Variants in HHAT observed in about 807,000 individuals in gnomAD.
The protein encoded by HHAT is hedgehog acyltransferase.
Under a neutral mutation model 70.8 loss-of-function variants are expected in HHAT, and 47 were observed. The ratio of observed to expected loss-of-function variants is 0.66; its 90% confidence interval spans 0.53 to 0.85. The LOEUF (loss-of-function observed/expected upper bound fraction) is 0.85, where lower values mean the gene tolerates loss of function less well. HHAT is among the 40% of genes least tolerant of loss of function. The pLI is 0.00. For synonymous variants in HHAT, 228 were observed against 247.6 expected (o/e 0.92, Z 0.74); for missense variants, 609 against 604.8 (o/e 1.01, Z -0.07).
intron 10 of HHAT, among the ~76,000 whole-genome samples, chr1:210,619,235 C>A (rs1248534807): frequency 6.6e-6 from 1 of 152,104 alleles, no homozygotes; most frequent in Non-Finnish European, 1.5e-5. Context: ...GACAACTGGT[C>A]ACCCCTGCCT....
At chr1:210,456,805 A>T (rs1001694448) in intron 7 of HHAT, among the ~76,000 whole-genome samples, 1 of 152,202 alleles carries the variant, frequency 6.6e-6, no homozygotes, top group African/African-American at 2.4e-5. Context: ...CCAGAATTCA[A>T]TGCTAGAGAT....
chr1:210,588,077 C>T lies in HHAT; in HGVS notation c.1223C>T (p.Thr408Ile), dbSNP rs760410532. 6.2e-7 allele frequency: 1 copy of T among 1,609,100 alleles called. No homozygotes were observed. Among genetic ancestry groups the T allele is most frequent in the Non-Finnish European group, 8.5e-7 (1 of 1,178,304 alleles). The change falls in exon 10 of 12, where the codon ACT (threonine) becomes ATT (isoleucine). Residue 408 changes from threonine to isoleucine, a missense_variant. Physicochemically the swap from Thr to Ile is moderately conservative, Grantham distance 89 (BLOSUM62 -1). Coordinates refer to ENST00000261458, the MANE Select transcript of HHAT (RefSeq NM_018194.6). ...VENGVRRLVETPCIQDSLARY... is the reference protein window; with the variant it reads ...VENGVRRLVEIPCIQDSLARY... ...AATGGAGTCCGGAGGCTGGTGGAGA[C>T]TCCCTGCATCCAGGACAGTCTGGTG...
chr1:210,382,477 C>T (rs962490098), intron 3 of HHAT, among the ~76,000 whole-genome samples: 21 of 152,156 alleles, frequency 1.4e-4, no homozygotes, highest in African/African-American at 4.8e-4. Flanking sequence ...TCCTGCTCCT[C>T]GCCATTTTAA....
At chr1:210,588,356 A>C (rs756576715) in intron 10 of HHAT, 1 of 389,982 alleles carries the variant, frequency 2.6e-6, no homozygotes, top group Non-Finnish European at 4.6e-6. Flanking sequence ...TTTAAACAAG[A>C]AAATAACCTC....
chr1:210,355,688 C>T (rs894084864), intron 2 of HHAT, among the ~76,000 whole-genome samples: 3 of 152,122 alleles, frequency 2.0e-5, no homozygotes, highest in Non-Finnish European at 4.4e-5. Flanking sequence ...TCTTGATATC[C>T]TGTTAGCTTT....
chr1:210,639,068 G>A (rs915369381), intron 11 of HHAT, among the ~76,000 whole-genome samples: 4 of 152,116 alleles, frequency 2.6e-5, no homozygotes, highest in Non-Finnish European at 4.4e-5. Flanking sequence ...AAGGTTAAAA[G>A]ATAATTGATC....
chr1:210,591,487 G>A (rs1175484195), intron 10 of HHAT, among the ~76,000 whole-genome samples: 2 of 152,054 alleles, frequency 1.3e-5, no homozygotes, highest in African/African-American at 4.8e-5. Context: ...TGGCTATTGT[G>A]AATAGTACTA....
At chr1:210,650,408 A>G (rs1674899133) in intron 11 of HHAT, among the ~76,000 whole-genome samples, 1 of 151,938 alleles carries the variant, frequency 6.6e-6, no homozygotes, top group Non-Finnish European at 1.5e-5. Context: ...AGGACATCTT[A>G]CTCCTTTCTT....
At chr1:210,535,964 A>G (rs1470969537) in intron 9 of HHAT, among the ~76,000 whole-genome samples, 2 of 152,202 alleles carry the variant, frequency 1.3e-5, no homozygotes, top group African/African-American at 4.8e-5. Context: ...TTCAACTAGC[A>G]GCCAGCTCCA....
chr1:210,360,865 T>TTTA (rs1553324546), intron 2 of HHAT, among the ~76,000 whole-genome samples: 1 of 147,654 alleles, frequency 6.8e-6, no homozygotes. Context: ...TTTTTTTTTT[T>TTTA]AACTTTGTGG....
chr1:210,410,523 A>ATTTTTTTTTTTTTTTTTTTTTTTTTT (rs35608235), intron 6 of HHAT, among the ~76,000 whole-genome samples: 2 of 116,420 alleles, frequency 1.7e-5, no homozygotes, highest in African/African-American at 7.2e-5. Context: ...TTATTTGTAA[A>ATTTTTTTTTTTTTTTTTTTTTTTTTT]TTTTTTTTTT....
chr1:210,405,892 T>C (rs1416601648), intron 6 of HHAT, among the ~76,000 whole-genome samples: 1 of 152,178 alleles, frequency 6.6e-6, no homozygotes, highest in African/African-American at 2.4e-5. Flanking sequence ...GTGTTTAAAA[T>C]TATTGTGTAA....
intron 8 of HHAT, among the ~76,000 whole-genome samples, chr1:210,482,462 G>A (rs567324187): frequency 6.6e-6 from 1 of 152,234 alleles, no homozygotes; most frequent in African/African-American, 2.4e-5. Context: ...TAAACACAGG[G>A]TGCCAGTAAT....
intron 9 of HHAT, among the ~76,000 whole-genome samples, chr1:210,525,022 C>T (rs1017142610): frequency 6.6e-6 from 1 of 152,012 alleles, no homozygotes; most frequent in Non-Finnish European, 1.5e-5. Flanking sequence ...AGGAAATGTA[C>T]TTGGGATAGA....
chr1:210,430,880 T>C (rs2093223019), intron 7 of HHAT, among the ~76,000 whole-genome samples: 1 of 151,960 alleles, frequency 6.6e-6, no homozygotes, highest in Non-Finnish European at 1.5e-5. Context: ...CTGTGAGGTC[T>C]TATAGTTTCT....
chr1:210,577,889 G>T (rs1191921549), intron 9 of HHAT, among the ~76,000 whole-genome samples: 2 of 151,938 alleles, frequency 1.3e-5, no homozygotes, highest in African/African-American at 2.4e-5. Context: ...CATGTGATCT[G>T]CCTGCCTCAG....
chr1:210,459,953 C>T (rs527921587), intron 7 of HHAT, among the ~76,000 whole-genome samples: 7 of 152,262 alleles, frequency 4.6e-5, no homozygotes, highest in Non-Finnish European at 7.4e-5. Flanking sequence ...TGTAACTGGG[C>T]GGGATGTCCA....
At chr1:210,376,014 A>ATTTTT (rs57707354) in intron 3 of HHAT, among the ~76,000 whole-genome samples, 7 of 108,900 alleles carry the variant, frequency 6.4e-5, no homozygotes, top group African/African-American at 1.5e-4. Context: ...TGCACAGCTA[A>ATTTTT]TTTTTTTTTT....
chr1:210,506,130 G>GCA (rs2094849844), intron 8 of HHAT, among the ~76,000 whole-genome samples: 1 of 152,176 alleles, frequency 6.6e-6, no homozygotes, highest in Non-Finnish European at 1.5e-5. Flanking sequence ...CATATGGGCA[G>GCA]CACCACTTTG....
Sources: allele counts gnomAD v4.1 joint callset (sites outside exome capture counted in the v4.1 genomes callset), GRCh38; gene constraint gnomAD v4.1.1; transcripts MANE v1.5; gene names NCBI Gene and HGNC (gene_info 2026-07-23, HGNC 2026-07-21).